Variants in UNC5A observed in about 807,000 individuals in gnomAD.
UNC5A encodes the protein netrin receptor UNC5A.
In UNC5A, 20 loss-of-function variants were observed where a neutral mutation model predicts 87.4. The observed-to-expected ratio is 0.23, with a 90% confidence interval of 0.16 to 0.33. The LOEUF (loss-of-function observed/expected upper bound fraction) is 0.33, where lower values mean the gene tolerates loss of function less well. Among genes scored for constraint, UNC5A ranks in the 10% least tolerant of loss-of-function variants. The pLI is 1.00. For missense variants in UNC5A, 844 were observed against 1,133.4 expected, an observed-to-expected ratio of 0.74 and a Z score of 3.67; for synonymous variants, 438 against 482.3, an observed-to-expected ratio of 0.91 and a Z score of 1.20.
chr5:176,878,178 C>A, intron 11 of UNC5A, 51 bp downstream of exon 11: 1 of 1,603,482 alleles, frequency 6.2e-7, no homozygotes, highest in Non-Finnish European at 8.5e-7. Context: ...CTATGCCTGG[C>A]CCTGTGGACT....
At chr5:176,851,389 C>T (rs1339072416) in intron 1 of UNC5A, among the ~76,000 whole-genome samples, 4 of 152,216 alleles carry the variant, frequency 2.6e-5, no homozygotes, top group Non-Finnish European at 5.9e-5. Context: ...CTGGTCCCCA[C>T]CTTGCACAAC....
intron 1 of UNC5A, among the ~76,000 whole-genome samples, chr5:176,855,717 G>A (rs541183188): frequency 2.6e-5 from 4 of 152,314 alleles, no homozygotes; most frequent in South Asian, 2.1e-4. Context: ...CCGGACATCC[G>A]AGCACCTGTA....
chr5:176,828,134 C>T (rs1170054240), intron 1 of UNC5A, among the ~76,000 whole-genome samples: 1 of 152,124 alleles, frequency 6.6e-6, no homozygotes, highest in Non-Finnish European at 1.5e-5. Context: ...TCTGTGCTGC[C>T]GTTTTGTGTG....
intron 1 of UNC5A, among the ~76,000 whole-genome samples, chr5:176,854,208 G>A (rs1433536723): frequency 1.3e-5 from 2 of 151,952 alleles, no homozygotes; most frequent in African/African-American, 2.4e-5. Context: ...GTAGTCTCCG[G>A]TAGAGATTGA....
intron 1 of UNC5A, among the ~76,000 whole-genome samples, chr5:176,833,705 TTTTC>T (rs1757078840): frequency 6.6e-6 from 1 of 150,854 alleles, no homozygotes; most frequent in African/African-American, 2.5e-5. Context: ...TTTTTATCTT[TTTTC>T]TTTCTTTTTT....
In UNC5A at chr5:176,841,919, C is replaced by A. The variant is rs1757283949; in HGVS notation, c.71-20705C>A. 6.6e-6 allele frequency among the ~76,000 whole-genome samples: 1 copy of A among 152,206 alleles called. No homozygotes were observed. Among genetic ancestry groups the A allele is most frequent in the Non-Finnish European group, 1.5e-5 (1 of 68,038 alleles). On this transcript the variant is annotated intron_variant, in intron 1 of 14. Coordinates refer to ENST00000329542, the MANE Select transcript of UNC5A (RefSeq NM_133369.3). The surrounding 1 kb of genome is among the most constrained non-coding windows in gnomAD (Gnocchi z 4.1). ...ATGGCCATAATCAAAAAATCAAGGC[C>A]GGGTGCGGTGGCTCACGCCGGTAAT...
rs115971045 is a variant in UNC5A at position 176,870,673 on chromosome 5, C to T, written c.886+139C>T. The T allele has an allele frequency of 8.9e-4, 892 of 1,003,806 alleles. 5 individuals are homozygous for T. In the African/African-American group the frequency reaches 0.013, roughly 14 times the overall value. 62.2% of individuals were successfully genotyped at this position (1,003,806 alleles called of 1,614,324 possible). A position where few individuals can be genotyped will look rare whatever the true frequency, so the allele number is the denominator to read the frequency against. On this transcript the variant is annotated intron_variant, in intron 6 of 14. Coordinates refer to ENST00000329542, the MANE Select transcript of UNC5A (RefSeq NM_133369.3). The stretch of plus-strand genomic sequence containing the variant: ...AGGCTCAGGACCCACTGAGATCCCC[C>T]TCATCCTTAGCATACCTGCACATGG...
At position 176,828,351 on chromosome 5, in the gene UNC5A, C is replaced by G. The variant is rs575692057; in HGVS notation, c.70+17531C>G. On this transcript the variant is annotated intron_variant, in intron 1 of 14. Coordinates refer to ENST00000329542, the MANE Select transcript of UNC5A (RefSeq NM_133369.3). ...GGGGGCAGTGGGGGTGAGGGAGCCC[C>G]GAGTGTGATGTCACTCATGGCATCA... Among the ~76,000 whole-genome samples, 3 of 152,136 alleles carry G rather than the reference C, an allele frequency of 2.0e-5. No homozygotes were observed. In the East Asian group the frequency reaches 5.8e-4, roughly 29 times the overall value.
chr5:176,876,508 G>A (rs913280139), intron 8 of UNC5A, among the ~76,000 whole-genome samples: 3 of 152,098 alleles, frequency 2.0e-5, no homozygotes, highest in South Asian at 2.1e-4. Flanking sequence ...CGTCTTTGCC[G>A]GATCCTGTCC....
intron 1 of UNC5A, among the ~76,000 whole-genome samples, chr5:176,829,374 GTGGGTGGA>G (rs1756941573): frequency 7.2e-6 from 1 of 139,198 alleles, no homozygotes; most frequent in South Asian, 2.4e-4. Context: ...GATGGATAAA[GTGGGTGGA>G]TGGGTGGATG....
chr5:176,874,538 C>A lies in UNC5A; in HGVS notation c.1350C>A (p.Leu450=). The A allele has an allele frequency of 6.3e-7, 1 of 1,577,060 alleles. No homozygotes were observed. The highest frequency in any genetic ancestry group is 8.6e-7 in the Non-Finnish European group (1 of 1,157,950). The change falls in exon 8 of 15, where the codon CTC becomes CTA. Residue 450 remains leucine (L), a synonymous_variant. Coordinates refer to ENST00000329542, the MANE Select transcript of UNC5A (RefSeq NM_133369.3). This position sits in a 1 kb window ranked among gnomAD's most constrained non-coding sequence, Gnocchi z 7.6. ...TGACCTATGGGACCTTCAACTTCCT[C>A]GGGGGCCGGCTGATGATCCCTAATA... ...SNMTYGTFNF[L]GGRLMIPNTG...
In UNC5A at chr5:176,810,932, G is replaced by A. The variant is rs1181216036; in HGVS notation, c.70+112G>A. 6 of 987,080 alleles carry A rather than the reference G, an allele frequency of 6.1e-6. No individual in the cohort carries two copies. The highest frequency in any genetic ancestry group is 7.6e-6 in the Non-Finnish European group (6 of 793,216). The allele number at this position is 987,080 out of a possible 1,614,324, so 61.1% of individuals were successfully genotyped here. On this transcript the variant is annotated intron_variant, in intron 1 of 14. Transcript: ENST00000329542. This position sits in a 1 kb window ranked among gnomAD's most constrained non-coding sequence, Gnocchi z 7.3. ...TGCCAGACCCGGCTGGGAGCCCCCC[G>A]AGGCCAAACTTTGCGAGGCGGGACG...
At chr5:176,845,045 T>C (rs1402939028) in intron 1 of UNC5A, among the ~76,000 whole-genome samples, 2 of 152,172 alleles carry the variant, frequency 1.3e-5, no homozygotes, top group African/African-American at 4.8e-5. Flanking sequence ...TGCACCGCCA[T>C]CTACTCACGC....
In UNC5A at chr5:176,844,244, G is replaced by A. The variant is rs967810368; in HGVS notation, c.71-18380G>A. On this transcript the variant is annotated intron_variant, in intron 1 of 14. Transcript: ENST00000329542. This position sits in a 1 kb window ranked among gnomAD's most constrained non-coding sequence, Gnocchi z 4.2. ...TTGCCTGATCCTCAGGACAGAGCTG[G>A]AGAGAACACTTGGTCCTGGTATCCC... Among the ~76,000 whole-genome samples, 2 of 152,170 alleles carry A rather than the reference G, an allele frequency of 1.3e-5. No homozygotes were observed. Among genetic ancestry groups the A allele is most frequent in the African/African-American group, 2.4e-5 (1 of 41,448 alleles).
rs1359518425 is a variant in UNC5A at position 176,866,551 on chromosome 5, G to C, written c.293-1579G>C. Reference sequence around the variant, plus strand: ...GCTCCCCACAGCACCACGGGGGATGGAGGAACCATTAACAGACTTGTCCAC... The same window carrying C: ...GCTCCCCACAGCACCACGGGGGATGCAGGAACCATTAACAGACTTGTCCAC... On this transcript the variant is annotated intron_variant, in intron 2 of 14. Transcript: ENST00000329542. This position sits in a 1 kb window ranked among gnomAD's most constrained non-coding sequence, Gnocchi z 5.0. 2.0e-5 allele frequency among the ~76,000 whole-genome samples: 3 copies of C among 152,208 alleles called. No homozygotes were observed. Among genetic ancestry groups the C allele is most frequent in the African/African-American group, 7.2e-5 (3 of 41,448 alleles).
Position 176,874,396 on chromosome 5 carries a change from T to C in UNC5A, c.1208T>C (p.Leu403Pro), listed in dbSNP as rs1758209622. ...QLTNGHLLSP[L>P]GGGRHTLHHS... ...ACCAATGGGCACCTGCTCAGCCCCC[T>C]GGGTGGCGGCCGCCACACACTGCAC... Residue 403 changes from leucine (L) to proline (P), a missense_variant, in exon 8 of 15, where the codon CTG becomes CCG. Leu to Pro is a moderately conservative substitution (Grantham distance 98). This residue lies in a region of UNC5A where 353 missense variants were observed against 387.5 expected (regional missense o/e 0.91). Coordinates refer to ENST00000329542, the MANE Select transcript of UNC5A (RefSeq NM_133369.3). The surrounding 1 kb of genome is among the most constrained non-coding windows in gnomAD (Gnocchi z 7.6). 1 of 1,613,372 alleles carries C rather than the reference T, an allele frequency of 6.2e-7. No homozygotes were observed.
chr5:176,878,868 G>A (rs1758335718), intron 13 of UNC5A, among the ~76,000 whole-genome samples: 1 of 152,206 alleles, frequency 6.6e-6, no homozygotes, highest in Admixed American at 6.5e-5. Context: ...CATGGGAGCA[G>A]CAGGAGGGGA....
rs1186594661 is a variant in UNC5A, at chr5:176,865,500, C to T, written c.293-2630C>T. ...AGCAGAGCTTGGGACACGTCCCACCCGTAACCGCCAGGGTCCTCTTCTGCC... is the reference window on the plus strand; with the variant it reads ...AGCAGAGCTTGGGACACGTCCCACCTGTAACCGCCAGGGTCCTCTTCTGCC... On this transcript the variant is annotated intron_variant, in intron 2 of 14. Transcript: ENST00000329542. The surrounding 1 kb of genome is among the most constrained non-coding windows in gnomAD (Gnocchi z 5.3). The T allele has an allele frequency of 2.7e-5, 12 of 436,480 alleles. No individual in the cohort carries two copies. The highest frequency in any genetic ancestry group is 4.7e-5 in the Non-Finnish European group (10 of 214,814). 27.0% of individuals were successfully genotyped at this position (436,480 alleles called of 1,614,324 possible).
chr5:176,824,160 T>A lies in UNC5A; in HGVS notation c.70+13340T>A, dbSNP rs569273474. 9.8e-5 allele frequency among the ~76,000 whole-genome samples: 15 copies of A among 152,336 alleles called. No individual in the cohort carries two copies. In the South Asian group the frequency reaches 3.1e-3, roughly 32 times the overall value. On this transcript the variant is annotated intron_variant, in intron 1 of 14. Transcript: ENST00000329542. This position sits in a 1 kb window ranked among gnomAD's most constrained non-coding sequence, Gnocchi z 4.2. ...GGTGCGGCCCCGATGCCTCCCGGGTTGGAGGCAGCAATGATGCAGGTTCCG... is the reference window on the plus strand; with the variant it reads ...GGTGCGGCCCCGATGCCTCCCGGGTAGGAGGCAGCAATGATGCAGGTTCCG...
Sources: allele counts gnomAD v4.1 joint callset (sites outside exome capture counted in the v4.1 genomes callset), GRCh38; gene constraint gnomAD v4.1.1; regional missense constraint gnomAD v4.1.1; non-coding constraint Gnocchi (gnomAD v3.1); transcripts MANE v1.5; gene names NCBI Gene and HGNC (gene_info 2026-07-23, HGNC 2026-07-21).